Variants in SUPT3H observed in about 807,000 individuals in gnomAD.
The protein encoded by SUPT3H is SPT3 homolog, SAGA and STAGA complex component.
In SUPT3H, 44 loss-of-function variants were observed where a neutral mutation model predicts 44.3. The observed-to-expected ratio is 0.99, with a 90% CI of 0.78 to 1.28. The LOEUF is 1.28. SUPT3H is among the 50% of genes most tolerant of loss of function. The probability of loss-of-function intolerance (pLI) is 0.00; values close to 1 mark genes in which losing one functional copy is unlikely to be tolerated. For missense variants in SUPT3H, 380 were observed against 387.1 expected (o/e 0.98, Z 0.15); for synonymous variants, 124 against 125.6 (o/e 0.99, Z 0.09).
intron 5 of SUPT3H, among the ~76,000 whole-genome samples, chr6:45,006,153 C>G (rs948753752): frequency 3.9e-5 from 6 of 151,988 alleles, no homozygotes; most frequent in Non-Finnish European, 8.8e-5. Context: ...CTTCCGCTTT[C>G]TTTGCATTTG....
At chr6:45,282,948 A>C (rs1208964076) in intron 2 of SUPT3H, among the ~76,000 whole-genome samples, 1 of 152,210 alleles carries the variant, frequency 6.6e-6, no homozygotes, top group Non-Finnish European at 1.5e-5. Flanking sequence ...CTTAAGGAAA[A>C]GAATTTTTAA....
chr6:45,192,383 G>T (rs1815286903), intron 2 of SUPT3H, among the ~76,000 whole-genome samples: 1 of 152,036 alleles, frequency 6.6e-6, no homozygotes, highest in Non-Finnish European at 1.5e-5. Context: ...TTAAGCACAA[G>T]AATTATATTC....
intron 3 of SUPT3H, among the ~76,000 whole-genome samples, chr6:45,105,227 C>A (rs186418173): frequency 2.2e-4 from 34 of 151,880 alleles, no homozygotes; most frequent in Admixed American, 2.2e-3. Flanking sequence ...AAATTAGATC[C>A]ATATCTCACA....
intron 5 of SUPT3H, among the ~76,000 whole-genome samples, chr6:45,011,225 C>G (rs1211024794): frequency 2.0e-5 from 3 of 151,926 alleles, no homozygotes; most frequent in Non-Finnish European, 4.4e-5. Context: ...ATCTATATTA[C>G]CTTTATAGAA....
intron 10 of SUPT3H, among the ~76,000 whole-genome samples, chr6:44,849,520 C>T (rs1229783096): frequency 2.0e-5 from 3 of 152,114 alleles, no homozygotes; most frequent in East Asian, 3.9e-4. Flanking sequence ...AGCCACCGCG[C>T]CCGGCCATGA....
Position 45,138,336 on chromosome 6 carries a change from C to T in SUPT3H, c.102-32330G>A, listed in dbSNP as rs12665034. Among the ~76,000 whole-genome samples, 213 of 152,226 alleles carry T rather than the reference C, an allele frequency of 1.4e-3. 4 individuals carry two copies. The East Asian group carries it at 0.04, about 29-fold the overall frequency. On this transcript the variant is annotated intron_variant, in intron 2 of 10. Transcript: ENST00000371459. ...ACACGAACTTCTCATATAACCCACT[C>T]CTAGCAATTCCACTCCCAGCAATCC...
intron 2 of SUPT3H, among the ~76,000 whole-genome samples, chr6:45,301,803 A>G (rs188107911): frequency 1.8e-4 from 28 of 152,328 alleles, no homozygotes; most frequent in Admixed American, 7.2e-4. Flanking sequence ...TTGTTTTAAT[A>G]TAACTAGAAA....
At chr6:44,955,063 T>C (rs1361738815) in intron 7 of SUPT3H, among the ~76,000 whole-genome samples, 1 of 152,180 alleles carries the variant, frequency 6.6e-6, no homozygotes, top group Non-Finnish European at 1.5e-5. Context: ...CTAATATTTT[T>C]CAAAAATATT....
chr6:45,194,958 T>G (rs1324859764), intron 2 of SUPT3H, among the ~76,000 whole-genome samples: 1 of 152,182 alleles, frequency 6.6e-6, no homozygotes, highest in Non-Finnish European at 1.5e-5. Context: ...CTTTAACTAC[T>G]GTGAAAAGAC....
intron 2 of SUPT3H, among the ~76,000 whole-genome samples, chr6:45,316,935 G>C (rs1350263532): frequency 2.0e-5 from 3 of 151,984 alleles, no homozygotes; most frequent in Admixed American, 1.3e-4. Context: ...ATATTGTTAA[G>C]GCCAGGCACA....
At chr6:44,884,240 A>G (rs746979111) in intron 10 of SUPT3H, among the ~76,000 whole-genome samples, 3 of 152,236 alleles carry the variant, frequency 2.0e-5, no homozygotes, top group Non-Finnish European at 4.4e-5. Context: ...TATGCGGCCA[A>G]CAAACGTGAA....
chr6:45,281,145 G>C (rs1234897789), intron 2 of SUPT3H, among the ~76,000 whole-genome samples: 1 of 152,216 alleles, frequency 6.6e-6, no homozygotes, highest in Non-Finnish European at 1.5e-5. Context: ...AACAGCTCCA[G>C]TCTACAGCTC....
intron 2 of SUPT3H, among the ~76,000 whole-genome samples, chr6:45,292,273 G>A (rs925946948): frequency 7.9e-5 from 12 of 151,994 alleles, no homozygotes; most frequent in Admixed American, 5.2e-4. Context: ...ACCACTACAC[G>A]AGCTGCTAAA....
At chr6:45,065,063 A>G (rs1027926364) in intron 3 of SUPT3H, among the ~76,000 whole-genome samples, 1 of 150,948 alleles carries the variant, frequency 6.6e-6, no homozygotes, top group Non-Finnish European at 1.5e-5. Flanking sequence ...CTGGGAAGTA[A>G]AGCTCTCCTC....
chr6:44,928,465 G>A (rs1384314688), intron 10 of SUPT3H, among the ~76,000 whole-genome samples: 3 of 152,078 alleles, frequency 2.0e-5, no homozygotes, highest in Admixed American at 6.5e-5. Context: ...TTGAAGCTAG[G>A]GGTTGGAAGG....
intron 10 of SUPT3H, among the ~76,000 whole-genome samples, chr6:44,901,254 C>A (rs1764994577): frequency 6.6e-6 from 1 of 151,916 alleles, no homozygotes; most frequent in South Asian, 2.1e-4. Flanking sequence ...GAACCCATGG[C>A]AAAGAAATTA....
intron 3 of SUPT3H, among the ~76,000 whole-genome samples, chr6:45,046,634 A>G (rs183668155): frequency 1.9e-3 from 285 of 152,272 alleles, no homozygotes; most frequent in African/African-American, 6.7e-3. Context: ...CTCAGCCCAT[A>G]CTGCTTTACT....
intron 2 of SUPT3H, among the ~76,000 whole-genome samples, chr6:45,302,158 G>A (rs1341620210): frequency 1.3e-5 from 2 of 152,056 alleles, no homozygotes; most frequent in Non-Finnish European, 2.9e-5. Context: ...TTGGTCACAT[G>A]AGTAAGTTTT....
At chr6:45,106,178 T>G (rs1351030758) in intron 2 of SUPT3H, among the ~76,000 whole-genome samples, 172 bp from the exon 3 acceptor site, 1 of 152,210 alleles carries the variant, frequency 6.6e-6, no homozygotes. Flanking sequence ...ACGCCTTTAA[T>G]CTCAGCACTT....
Sources: allele counts gnomAD v4.1 joint callset (sites outside exome capture counted in the v4.1 genomes callset), GRCh38; gene constraint gnomAD v4.1.1; transcripts MANE v1.5; gene names NCBI Gene and HGNC (gene_info 2026-07-23, HGNC 2026-07-21).